The following TENM3 variants were observed in gnomAD, a reference collection of about 807,000 sequenced individuals.
TENM3 encodes teneurin-3.
TENM3 carries 63 observed loss-of-function variants against 255.1 expected under a neutral mutation model. The observed-to-expected ratio is 0.25, with a 90% CI of 0.20 to 0.30. The LOEUF is 0.30. Ranked by LOEUF, TENM3 falls within the 10% of genes least tolerant of loss-of-function variation. The pLI, the probability that TENM3 is intolerant of heterozygous loss-of-function variation, is 1.00. For synonymous variants in TENM3, 1,306 were observed against 1,322.3 expected, an observed-to-expected ratio of 0.99 and a Z score of 0.27; for missense variants, 2,929 against 3,461.1, an observed-to-expected ratio of 0.85 and a Z score of 3.86.
chr4:181,757,959 T>A, the TENM3 span, among the ~76,000 whole-genome samples: 1 of 152,156 alleles, frequency 6.6e-6, no homozygotes, highest in African/African-American at 2.4e-5. Flanking sequence ...TATTATTATT[T>A]ATGTGTTCTA....
chr4:182,662,007 C>G (rs1434771270), intron 6 of TENM3, among the ~76,000 whole-genome samples: 1 of 152,058 alleles, frequency 6.6e-6, no homozygotes, highest in Non-Finnish European at 1.5e-5. Context: ...AAACAGATAC[C>G]AAACCTCCTA....
At chr4:182,537,543 T>C (rs1021471124) in intron 3 of TENM3, among the ~76,000 whole-genome samples, 1 of 152,204 alleles carries the variant, frequency 6.6e-6, no homozygotes, top group Admixed American at 6.5e-5. Context: ...GCACTTTGCT[T>C]TCTGCTATTT....
chr4:182,768,610 A>G (rs1381081414), intron 22 of TENM3, among the ~76,000 whole-genome samples: 1 of 152,162 alleles, frequency 6.6e-6, no homozygotes, highest in Non-Finnish European at 1.5e-5. Flanking sequence ...GCTTCACGTC[A>G]GGTTGAATAT....
At chr4:181,875,548 C>G in the TENM3 span, among the ~76,000 whole-genome samples, 1 of 151,906 alleles carries the variant, frequency 6.6e-6, no homozygotes. Context: ...ACAAACCATA[C>G]TTTTATTAGA....
the TENM3 span, among the ~76,000 whole-genome samples, chr4:181,602,733 T>C: frequency 1.3e-5 from 2 of 152,276 alleles, no homozygotes; most frequent in African/African-American, 4.8e-5. Flanking sequence ...AATGTCAACA[T>C]CTCTAGCCAA....
At chr4:182,078,374 T>C in the TENM3 span, among the ~76,000 whole-genome samples, 1 of 151,856 alleles carries the variant, frequency 6.6e-6, no homozygotes, top group Non-Finnish European at 1.5e-5. Flanking sequence ...TGCAAAAAAT[T>C]AGCCGGGCGT....
At chr4:181,669,513 A>G in the TENM3 span, among the ~76,000 whole-genome samples, 2 of 152,126 alleles carry the variant, frequency 1.3e-5, no homozygotes, top group Non-Finnish European at 2.9e-5. Context: ...GAGCTTTACT[A>G]GATATAATGG....
the TENM3 span, among the ~76,000 whole-genome samples, chr4:181,567,704 A>G: frequency 6.6e-6 from 1 of 152,216 alleles, no homozygotes; most frequent in Non-Finnish European, 1.5e-5. Flanking sequence ...AGAAGTTGAT[A>G]ACAAGTTCTT....
chr4:181,468,796 G>T, the TENM3 span, among the ~76,000 whole-genome samples: 1 of 152,102 alleles, frequency 6.6e-6, no homozygotes, highest in Non-Finnish European at 1.5e-5. Flanking sequence ...CTAGCATTTT[G>T]CCTTTGCACT....
At chr4:182,151,381 C>T (rs962590031) in intron 1 of TENM3, among the ~76,000 whole-genome samples, 1 of 152,030 alleles carries the variant, frequency 6.6e-6, no homozygotes, top group Non-Finnish European at 1.5e-5. Flanking sequence ...TTTCAGTCTA[C>T]CTAATGTTCT....
rs3221610 is a variant in TENM3, at chr4:182,371,229, TCA to T, written c.511+24331_511+24332del. Among the ~76,000 whole-genome samples, 1,349 of 144,286 alleles carry T rather than the reference TCA, an allele frequency of 9.3e-3. 5 individuals carry two copies. The highest frequency in any genetic ancestry group is 0.016 in the East Asian group (78 of 4,874). 94.7% of individuals were successfully genotyped at this position (144,286 alleles called of 152,430 possible). On this transcript the variant is annotated intron_variant, in intron 3 of 27. Transcript: ENST00000511685. ...AGGGCCTCAAAAATTCTCCTCCCCA[TCA>T]CACACACACACACACACACACACAC... is the stretch of plus-strand genomic sequence containing the variant.
At chr4:182,461,522 A>G (rs758053881) in intron 3 of TENM3, among the ~76,000 whole-genome samples, 18 of 152,300 alleles carry the variant, frequency 1.2e-4, no homozygotes, top group Non-Finnish European at 2.6e-4. Context: ...ATCCCTGGGA[A>G]TTTAGCATAG....
At chr4:182,217,844 G>T (rs1231145338) in intron 1 of TENM3, among the ~76,000 whole-genome samples, 1 of 152,084 alleles carries the variant, frequency 6.6e-6, no homozygotes, top group Non-Finnish European at 1.5e-5. Flanking sequence ...ATAATGTTAT[G>T]AATATTAAAG....
intron 6 of TENM3, among the ~76,000 whole-genome samples, chr4:182,667,171 A>AT (rs201308455): frequency 2.7e-4 from 31 of 113,114 alleles, no homozygotes; most frequent in African/African-American, 9.0e-4. Flanking sequence ...CAAAGTTACC[A>AT]TTTTTTTGTT....
chr4:182,182,544 T>C (rs1208106054), intron 1 of TENM3, among the ~76,000 whole-genome samples: 5 of 152,180 alleles, frequency 3.3e-5, no homozygotes, highest in Non-Finnish European at 7.3e-5. Context: ...ACCAGGAGAA[T>C]GACTTATCAG....
At chr4:181,846,375 G>A in the TENM3 span, among the ~76,000 whole-genome samples, 2 of 152,190 alleles carry the variant, frequency 1.3e-5, no homozygotes, top group Admixed American at 1.3e-4. Context: ...CTTGTTTGTA[G>A]GTTGCATTCT....
the TENM3 span, among the ~76,000 whole-genome samples, chr4:182,033,670 A>G: frequency 3.9e-5 from 6 of 152,124 alleles, no homozygotes; most frequent in African/African-American, 1.2e-4. Context: ...GTGGGAGTCT[A>G]TATCTCTTTG....
the TENM3 span, among the ~76,000 whole-genome samples, chr4:181,715,316 A>G: frequency 4.6e-5 from 7 of 152,164 alleles, no homozygotes; most frequent in South Asian, 1.4e-3. Context: ...TTAAGTGTTT[A>G]GATGTTACAC....
the TENM3 span, among the ~76,000 whole-genome samples, chr4:181,946,164 A>G: frequency 2.0e-5 from 3 of 152,174 alleles, no homozygotes; most frequent in African/African-American, 7.2e-5. Flanking sequence ...TCATACACAC[A>G]TGAATATATC....
Sources: allele counts gnomAD v4.1 joint callset (sites outside exome capture counted in the v4.1 genomes callset), GRCh38; gene constraint gnomAD v4.1.1; transcripts MANE v1.5; gene names NCBI Gene and HGNC (gene_info 2026-07-23, HGNC 2026-07-21).